The following MRRF variants were observed in gnomAD, a reference collection of about 807,000 sequenced individuals.
The protein encoded by MRRF is ribosome-recycling factor, mitochondrial.
A neutral mutation model predicts 25.1 loss-of-function variants in MRRF; 18 were observed. That is an observed-to-expected ratio of 0.72 (90% CI 0.50 to 1.06). The LOEUF is 1.06. Among genes scored for constraint, MRRF ranks in the 50% least tolerant of loss-of-function variants. The pLI, the probability that MRRF is intolerant of heterozygous loss-of-function variation, is 0.00. For missense variants in MRRF, 323 were observed against 319.3 expected (o/e 1.01, Z -0.09); for synonymous variants, 113 against 112.1 (o/e 1.01, Z -0.05).
At chr9:122,287,352 T>C (rs117553650) in intron 4 of MRRF, among the ~76,000 whole-genome samples, 2,606 of 152,302 alleles carry the variant, frequency 0.017, 33 homozygotes, top group Middle Eastern at 0.037. Context: ...TGTTATTAGG[T>C]TGATAAAAGG....
chr9:122,321,748 G>T (rs1473697035), intron 6 of MRRF, among the ~76,000 whole-genome samples: 1 of 149,558 alleles, frequency 6.7e-6, no homozygotes, highest in South Asian at 2.1e-4. Context: ...TTTTTTCAAG[G>T]CTTTTTTTTT....
At chr9:122,288,371 T>C (rs930821762) in intron 4 of MRRF, among the ~76,000 whole-genome samples, 20 of 152,234 alleles carry the variant, frequency 1.3e-4, no homozygotes, top group African/African-American at 4.6e-4. Flanking sequence ...TTTCCTATGA[T>C]CAGTACAGGT....
intron 3 of MRRF, among the ~76,000 whole-genome samples, chr9:122,281,351 G>T (rs934511614): frequency 3.9e-5 from 6 of 152,228 alleles, no homozygotes; most frequent in African/African-American, 1.2e-4. Flanking sequence ...TAAGGTACCT[G>T]TGGGAGCTTG....
chr9:122,317,172 G>C (rs1230583870), intron 6 of MRRF, among the ~76,000 whole-genome samples: 1 of 151,636 alleles, frequency 6.6e-6, no homozygotes, highest in East Asian at 1.9e-4. Context: ...CATATTTTTT[G>C]TAAGATTCTT....
chr9:122,281,721 C>T (rs1438962888), intron 3 of MRRF, among the ~76,000 whole-genome samples: 2 of 152,162 alleles, frequency 1.3e-5, no homozygotes. Flanking sequence ...GAGAGGAGCT[C>T]AGGGAGAAAT....
intron 2 of MRRF, among the ~76,000 whole-genome samples, chr9:122,276,961 A>C (rs1832815735): frequency 6.6e-6 from 1 of 151,984 alleles, no homozygotes; most frequent in Non-Finnish European, 1.5e-5. Flanking sequence ...TCTGGGCTCA[A>C]CTGATTCTCC....
rs1255402161 is a variant in MRRF, at chr9:122,325,633, T to TGC, written c.*3017_*3018insCG. 7.9e-5 allele frequency: 1 copy of TGC among 12,714 alleles called. No individual in the cohort carries two copies. The highest frequency in any genetic ancestry group is 2.1e-4 in the Non-Finnish European group (1 of 4,802). 0.8% of individuals were successfully genotyped at this position (12,714 alleles called of 1,614,324 possible). A position where few individuals can be genotyped will look rare whatever the true frequency, so the allele number is the denominator to read the frequency against. On this transcript the variant is annotated 3_prime_UTR_variant, in exon 7 of 7. Coordinates refer to ENST00000344641, the MANE Select transcript of MRRF (RefSeq NM_138777.5). ...ATTTGAGAATTTTTTTCCTGTCTGG[T>TGC]GTGTGTGTGTGTGTGTGTGTGTGTG...
chr9:122,271,114 C>G, intron 2 of MRRF, 39 bp downstream of exon 2: 1 of 1,561,742 alleles, frequency 6.4e-7, no homozygotes, highest in Non-Finnish European at 8.8e-7. Flanking sequence ...TCACCCCTTT[C>G]TTATAGTTGG....
intron 3 of MRRF, among the ~76,000 whole-genome samples, chr9:122,283,116 C>T (rs1274454829): frequency 7.0e-6 from 1 of 143,616 alleles, no homozygotes; most frequent in African/African-American, 2.6e-5. Context: ...TTTTTGGAGT[C>T]AGAGTCTTGC....
intron 4 of MRRF, 77 bp downstream of exon 4, chr9:122,285,364 G>T (rs766569156): frequency 8.7e-5 from 77 of 884,138 alleles, no homozygotes; most frequent in Non-Finnish European, 1.5e-4. Context: ...AGGAGGAAGT[G>T]TTCCTTCAGC....
At chr9:122,278,557 T>C (rs1210569655) in intron 2 of MRRF, among the ~76,000 whole-genome samples, 1 of 152,226 alleles carries the variant, frequency 6.6e-6, no homozygotes, top group African/African-American at 2.4e-5. Flanking sequence ...TTTTTGTGTG[T>C]GTTCATTCTT....
At chr9:122,272,815 C>A (rs1016550351) in intron 2 of MRRF, among the ~76,000 whole-genome samples, 2 of 152,018 alleles carry the variant, frequency 1.3e-5, no homozygotes, top group African/African-American at 4.8e-5. Context: ...TAATTTATTT[C>A]TGAATATAAT....
intron 5 of MRRF, among the ~76,000 whole-genome samples, chr9:122,301,231 C>T (rs1404238903): frequency 6.6e-6 from 1 of 152,146 alleles, no homozygotes; most frequent in Non-Finnish European, 1.5e-5. Context: ...CCCTCCACCC[C>T]GCCGTCCCTC....
At chr9:122,286,129 A>G (rs1232741025) in intron 4 of MRRF, 1 of 1,265,814 alleles carries the variant, frequency 7.9e-7, no homozygotes, top group South Asian at 1.2e-5. Context: ...AAGTTGCTTC[A>G]CTCTCTGGGC....
Position 122,264,916 on chromosome 9 carries a change from C to T in MRRF, c.-51C>T, listed in dbSNP as rs1831954717. 1 of 153,260 alleles carries T rather than the reference C, an allele frequency of 6.5e-6. No individual in the cohort carries two copies. The highest frequency in any genetic ancestry group is 6.5e-5 in the Admixed American group (1 of 15,290). 9.5% of individuals were successfully genotyped at this position (153,260 alleles called of 1,614,324 possible). A position where few individuals can be genotyped will look rare whatever the true frequency, so the allele number is the denominator to read the frequency against. On this transcript the variant is annotated 5_prime_UTR_variant, in exon 1 of 7. Transcript: ENST00000344641. ...GTCGCCGCCGTCGCACGAGTCTTTC[C>T]TTAGTAACCTGGGCGATAGCTGGTG...
chr9:122,266,450 G>A lies in MRRF; in HGVS notation c.-29+1512G>A, dbSNP rs547834600. ...GGGAAGATCATCAAGGAGATTCAATGGCATGTTTGAAGACCCTGGAGCAGG... is the reference window on the plus strand; with the variant it reads ...GGGAAGATCATCAAGGAGATTCAATAGCATGTTTGAAGACCCTGGAGCAGG... On this transcript the variant is annotated intron_variant, in intron 1 of 6. Transcript: ENST00000344641. Among the ~76,000 whole-genome samples, 10 of 152,278 alleles carry A rather than the reference G, an allele frequency of 6.6e-5. No individual in the cohort carries two copies. In the East Asian group the frequency reaches 1.9e-3, roughly 29 times the overall value.
chr9:122,267,298 C>G (rs1832176040), intron 1 of MRRF, among the ~76,000 whole-genome samples: 1 of 148,792 alleles, frequency 6.7e-6, no homozygotes, highest in Non-Finnish European at 1.5e-5. Context: ...GGAGAATCCC[C>G]TGAACCTGGA....
At chr9:122,268,265 G>A (rs1403004065) in intron 1 of MRRF, among the ~76,000 whole-genome samples, 1 of 152,122 alleles carries the variant, frequency 6.6e-6, no homozygotes, top group Admixed American at 6.5e-5. Flanking sequence ...CTGCTTTTGG[G>A]TGCTGCGTTT....
At chr9:122,316,321 A>C (rs148374140) in intron 6 of MRRF, among the ~76,000 whole-genome samples, 5 of 152,054 alleles carry the variant, frequency 3.3e-5, no homozygotes, top group African/African-American at 4.8e-5. Context: ...GATTACAGGC[A>C]CGTGCCACCA....
Sources: allele counts gnomAD v4.1 joint callset (sites outside exome capture counted in the v4.1 genomes callset), GRCh38; gene constraint gnomAD v4.1.1; transcripts MANE v1.5; gene names NCBI Gene and HGNC (gene_info 2026-07-23, HGNC 2026-07-21).